The following FOXK2 variants were observed in gnomAD, a reference collection of about 807,000 sequenced individuals.
The protein encoded by FOXK2 is forkhead box protein K2.
Under a neutral mutation model 53.3 loss-of-function variants are expected in FOXK2, and 24 were observed. That is an observed-to-expected ratio of 0.45 (90% confidence interval 0.33 to 0.63). The LOEUF is 0.63. Among genes scored for constraint, FOXK2 ranks in the 30% least tolerant of loss-of-function variants. The pLI is 0.03. For synonymous variants in FOXK2, 505 were observed against 407.1 expected (o/e 1.24, Z -2.89); for missense variants, 952 against 910.5 (o/e 1.05, Z -0.59).
chr17:82,521,062 G>C (rs548822184), intron 1 of FOXK2, among the ~76,000 whole-genome samples: 1 of 152,138 alleles, frequency 6.6e-6, no homozygotes, highest in Non-Finnish European at 1.5e-5. Flanking sequence ...TGAAGTTATC[G>C]TTTACTCTGC....
intron 1 of FOXK2, among the ~76,000 whole-genome samples, chr17:82,555,046 G>A (rs749554561): frequency 4.6e-5 from 7 of 152,204 alleles, no homozygotes; most frequent in Non-Finnish European, 1.0e-4. Flanking sequence ...ACTGCTCCCA[G>A]CCCCAAATAA....
At chr17:82,529,800 C>G (rs2044455779) in intron 1 of FOXK2, among the ~76,000 whole-genome samples, 1 of 152,320 alleles carries the variant, frequency 6.6e-6, no homozygotes, top group South Asian at 2.1e-4. Context: ...TTCTGTCTTG[C>G]TATCCCTGGT....
At chr17:82,556,823 C>A (rs1228698794) in intron 1 of FOXK2, among the ~76,000 whole-genome samples, 3 of 151,872 alleles carry the variant, frequency 2.0e-5, no homozygotes, top group Non-Finnish European at 4.4e-5. Flanking sequence ...CAGCCTCAGC[C>A]TCCTGAGTAA....
chr17:82,587,338 G>A (rs572018810), intron 8 of FOXK2, 66 bp downstream of exon 8: 166 of 1,264,386 alleles, frequency 1.3e-4, no homozygotes, highest in East Asian at 4.9e-4. Context: ...CTTCTCACTC[G>A]TGGTTTCGGT....
chr17:82,554,365 G>A (rs1040390105), intron 1 of FOXK2, among the ~76,000 whole-genome samples: 1 of 152,090 alleles, frequency 6.6e-6, no homozygotes, highest in African/African-American at 2.4e-5. Flanking sequence ...GAGCTTCTTC[G>A]TGAGTCTGTT....
intron 1 of FOXK2, among the ~76,000 whole-genome samples, chr17:82,540,740 G>C (rs938007900): frequency 1.3e-5 from 2 of 152,168 alleles, no homozygotes; most frequent in Admixed American, 6.5e-5. Flanking sequence ...GGAGCAAATA[G>C]TTATCAAGTT....
chr17:82,586,229 A>G lies in FOXK2; in HGVS notation c.1576+29A>G, dbSNP rs757895328. ...GGCGGAGGGGAAAGGAGGAGAGGGG[A>G]GACCACAGGGAGGTGAAAGGTGGGC... On this transcript the variant is annotated intron_variant, in intron 7 of 8. Transcript: ENST00000335255. 2.7e-4 allele frequency: 337 copies of G among 1,236,426 alleles called. 1 individual carries two copies. The highest frequency in any genetic ancestry group is 2.5e-3 in the East Asian group (65 of 26,496). The allele number at this position is 1,236,426 out of a possible 1,614,324, so 76.6% of individuals were successfully genotyped here.
intron 1 of FOXK2, among the ~76,000 whole-genome samples, chr17:82,546,300 A>G (rs1159301963): frequency 1.3e-5 from 2 of 151,770 alleles, no homozygotes; most frequent in Non-Finnish European, 2.9e-5. Context: ...TATTTTTGGT[A>G]GAGACGGGAT....
At position 82,587,207 on chromosome 17, in the gene FOXK2, C is replaced by G. The variant is rs746244881; in HGVS notation, c.1721C>G (p.Thr574Ser). The G allele has an allele frequency of 1.1e-5, 18 of 1,613,002 alleles. No individual in the cohort carries two copies. The highest frequency in any genetic ancestry group is 2.2e-5 in the East Asian group (1 of 44,898). ...GGTCAACACCAGCTACCAATAAAAA[C>G]TGTAACACAAAACGGCACTCACGTG... is the stretch of plus-strand genomic sequence containing the variant. ...PLGQHQLPIK[T>S]VTQNGTHVAS... Residue 574 changes from threonine to serine, a missense_variant, in exon 8 of 9, where the codon ACT (threonine) becomes AGT (serine). Thr to Ser is a moderately conservative substitution (Grantham distance 58, BLOSUM62 1). Transcript: ENST00000335255.
intron 2 of FOXK2, among the ~76,000 whole-genome samples, chr17:82,565,855 G>C (rs2044846429): frequency 6.6e-6 from 1 of 152,294 alleles, no homozygotes; most frequent in South Asian, 2.1e-4. Flanking sequence ...TTGTATGCCT[G>C]TTTTCATAGC....
In FOXK2 at chr17:82,519,782, C is replaced by G; in HGVS notation, c.-107C>G. 3.2e-6 allele frequency: 1 copy of G among 314,562 alleles called. No homozygotes were observed. The highest frequency in any genetic ancestry group is 2.3e-5 in the African/African-American group (1 of 43,994). 19.5% of individuals were successfully genotyped at this position (314,562 alleles called of 1,614,324 possible). ...GCCGGCCGGCGGCCTCCGCTCGGCC[C>G]CCTCCCTCAGCTCCGGTGCGCGGCG... On this transcript the variant is annotated 5_prime_UTR_variant, in exon 1 of 9. Transcript: ENST00000335255.
At chr17:82,530,287 T>TC (rs2044460415) in intron 1 of FOXK2, among the ~76,000 whole-genome samples, 1 of 151,894 alleles carries the variant, frequency 6.6e-6, no homozygotes. Context: ...GATCGGGAGT[T>TC]CGAGACCAGC....
At chr17:82,595,870 A>C in intron 8 of FOXK2, 1 of 1,287,800 alleles carries the variant, frequency 7.8e-7, no homozygotes, top group Non-Finnish European at 1.0e-6. Context: ...ACAGACCAGC[A>C]GGTGCTTCTG....
intron 1 of FOXK2, among the ~76,000 whole-genome samples, chr17:82,544,338 CT>C (rs938144890): frequency 2.6e-5 from 4 of 152,010 alleles, no homozygotes; most frequent in Non-Finnish European, 4.4e-5. Context: ...TGGATTTATT[CT>C]TTTTTTTATG....
At chr17:82,579,706 G>T (rs111790992) in intron 4 of FOXK2, among the ~76,000 whole-genome samples, 6,225 of 57,804 alleles carry the variant, frequency 0.11, 977 homozygotes, top group Non-Finnish European at 0.15. Context: ...CACGGGCCCA[G>T]ATCCCTCCCA....
At chr17:82,561,413 G>T (rs1262493983) in intron 1 of FOXK2, among the ~76,000 whole-genome samples, 1 of 152,106 alleles carries the variant, frequency 6.6e-6, no homozygotes, top group Non-Finnish European at 1.5e-5. Context: ...CCAGGAGTGA[G>T]GGTAGAGGGA....
rs2044341053 is a variant in FOXK2 at position 82,519,904 on chromosome 17, G to A, written c.16G>A (p.Ala6Thr). 6.1e-6 allele frequency: 6 copies of A among 978,364 alleles called. No individual in the cohort carries two copies. The highest frequency in any genetic ancestry group is 7.3e-6 in the Non-Finnish European group (6 of 827,180). 60.6% of individuals were successfully genotyped at this position (978,364 alleles called of 1,614,324 possible). A position where few individuals can be genotyped will look rare whatever the true frequency, so the allele number is the denominator to read the frequency against. The change falls in exon 1 of 9, where the codon GCG (alanine) becomes ACG (threonine). Residue 6 changes from alanine (A) to threonine (T), a missense_variant. Coordinates refer to ENST00000335255, the MANE Select transcript of FOXK2 (RefSeq NM_004514.4). MAAAAAALSGAGTPPA... is the reference protein window; with the variant it reads MAAAATALSGAGTPPA... The stretch of plus-strand genomic sequence containing the variant: ...ACGCAGGCCCATGGCGGCGGCCGCG[G>A]CGGCGCTCTCGGGCGCGGGCACGCC...
rs145572821 is a variant in FOXK2, at chr17:82,533,042, A to G, written c.419+12735A>G. The stretch of plus-strand genomic sequence containing the variant: ...GTCTTCTACCTCCACATCTTGTTCC[A>G]CTCCAAAGTTCTTAGGGGAAGTAAC... On this transcript the variant is annotated intron_variant, in intron 1 of 8. Transcript: ENST00000335255. 1.4e-3 allele frequency among the ~76,000 whole-genome samples: 220 copies of G among 151,966 alleles called. 1 individual carries two copies. Among genetic ancestry groups the G allele is most frequent in the African/African-American group, 5.1e-3 (213 of 41,448 alleles).
intron 2 of FOXK2, among the ~76,000 whole-genome samples, chr17:82,565,562 C>T (rs2044843650): frequency 6.6e-6 from 1 of 152,160 alleles, no homozygotes; most frequent in African/African-American, 2.4e-5. Flanking sequence ...AGATATTCAG[C>T]ATCAGTAGTT....
Sources: allele counts gnomAD v4.1 joint callset (sites outside exome capture counted in the v4.1 genomes callset), GRCh38; gene constraint gnomAD v4.1.1; transcripts MANE v1.5; gene names NCBI Gene and HGNC (gene_info 2026-07-23, HGNC 2026-07-21).